CNNM1: variants seen among roughly 807,000 people sequenced by gnomAD.
CNNM1 encodes metal transporter CNNM1.
Under a neutral mutation model 78.8 loss-of-function variants are expected in CNNM1, and 44 were observed. The ratio of observed to expected loss-of-function variants is 0.56; its 90% CI spans 0.44 to 0.72. The LOEUF is 0.72. Ranked by LOEUF, CNNM1 falls within the 30% of genes least tolerant of loss-of-function variation. The probability of loss-of-function intolerance (pLI) is 0.00; values close to 1 mark genes in which losing one functional copy is unlikely to be tolerated. For synonymous variants in CNNM1, 584 were observed against 581.5 expected (o/e 1.00, Z -0.06); for missense variants, 1,101 against 1,292.2 (o/e 0.85, Z 2.27).
chr10:99,370,213 A>G (rs1465794994), intron 6 of CNNM1, among the ~76,000 whole-genome samples: 1 of 152,186 alleles, frequency 6.6e-6, no homozygotes, highest in Non-Finnish European at 1.5e-5. Flanking sequence ...GGGTGGTGTC[A>G]TGTGCCCCTG....
At chr10:99,377,393 T>A in intron 7 of CNNM1, 175 bp downstream of exon 7, 1 of 539,426 alleles carries the variant, frequency 1.9e-6, no homozygotes, top group Non-Finnish European at 3.2e-6. Flanking sequence ...TTCAGTAAGC[T>A]TTAGGACGGT....
rs2031412250 is a variant in CNNM1 at position 99,360,978 on chromosome 10, A to G, written c.1858+3A>G. On this transcript the variant is annotated splice_donor_region_variant and intron_variant, in intron 3 of 10. Transcript: ENST00000356713. ...CACACACCGCTTCATGGCCACAGGTAGGACAAGTCTCCACTCCAGAGAAGC... is the reference window on the plus strand; with the variant it reads ...CACACACCGCTTCATGGCCACAGGTGGGACAAGTCTCCACTCCAGAGAAGC... 1 of 1,600,210 alleles carries G rather than the reference A, an allele frequency of 6.2e-7. No homozygotes were observed.
chr10:99,381,526 G>A (rs2032158777), intron 7 of CNNM1, among the ~76,000 whole-genome samples: 1 of 152,076 alleles, frequency 6.6e-6, no homozygotes, highest in Non-Finnish European at 1.5e-5. Context: ...CAGATCACTT[G>A]AGGTCAGGAG....
chr10:99,356,605 A>AAAGAAAAGAAAAGAAAAG (rs1491432735), intron 1 of CNNM1, among the ~76,000 whole-genome samples: 3 of 56,326 alleles, frequency 5.3e-5, no homozygotes, highest in Non-Finnish European at 1.9e-4. Context: ...AGAAAGAAAG[A>AAAGAAAAGAAAAGAAAAG]AAAGAAAGAA....
intron 6 of CNNM1, among the ~76,000 whole-genome samples, chr10:99,369,762 C>T (rs1423062212): frequency 3.3e-5 from 5 of 152,132 alleles, no homozygotes; most frequent in Non-Finnish European, 7.3e-5. Context: ...TGTGAGAGCT[C>T]ATGCCTTCAT....
At chr10:99,357,147 G>C (rs148227771) in intron 1 of CNNM1, among the ~76,000 whole-genome samples, 2 of 152,186 alleles carry the variant, frequency 1.3e-5, no homozygotes, top group East Asian at 3.8e-4. Flanking sequence ...GGGGAAGGGG[G>C]CTTAGGGGAG....
chr10:99,369,436 C>T (rs1346653426), intron 6 of CNNM1, among the ~76,000 whole-genome samples: 2 of 152,246 alleles, frequency 1.3e-5, no homozygotes, highest in Non-Finnish European at 1.5e-5. Context: ...TCCCTTATCA[C>T]GTTGCTGGGG....
At chr10:99,355,969 C>T (rs930195493) in intron 1 of CNNM1, among the ~76,000 whole-genome samples, 1 of 152,218 alleles carries the variant, frequency 6.6e-6, no homozygotes, top group Non-Finnish European at 1.5e-5. Flanking sequence ...TTGAGCTCCA[C>T]AGTCACCTTA....
chr10:99,365,869 C>T (rs1227537585), intron 6 of CNNM1, among the ~76,000 whole-genome samples: 4 of 152,110 alleles, frequency 2.6e-5, no homozygotes, highest in African/African-American at 4.8e-5. Flanking sequence ...ATATCATAGT[C>T]CCTGGAACAT....
chr10:99,367,908 C>T (rs928098288), intron 6 of CNNM1, among the ~76,000 whole-genome samples: 6 of 152,116 alleles, frequency 3.9e-5, no homozygotes, highest in Non-Finnish European at 4.4e-5. Flanking sequence ...CCCGGGCCCC[C>T]CAGTGATAGC....
chr10:99,372,179 C>T (rs753478503), intron 6 of CNNM1, among the ~76,000 whole-genome samples: 3 of 152,154 alleles, frequency 2.0e-5, no homozygotes, highest in Non-Finnish European at 4.4e-5. Context: ...CATCCAGCCC[C>T]GATTACAGTG....
At chr10:99,372,068 G>A (rs1244922214) in intron 6 of CNNM1, among the ~76,000 whole-genome samples, 3 of 152,064 alleles carry the variant, frequency 2.0e-5, no homozygotes, top group South Asian at 4.2e-4. Flanking sequence ...GGTTGTGAAG[G>A]CTCCCTGGAT....
intron 1 of CNNM1, among the ~76,000 whole-genome samples, chr10:99,356,561 ACAGAAAG>A (rs1238188932): frequency 1.1e-4 from 12 of 113,168 alleles, no homozygotes; most frequent in African/African-American, 4.3e-4. Context: ...AGACAGACAG[ACAGAAAG>A]AAAGAAAGAA....
intron 1 of CNNM1, among the ~76,000 whole-genome samples, chr10:99,332,409 A>T (rs1213446080): frequency 1.3e-5 from 2 of 152,126 alleles, no homozygotes; most frequent in East Asian, 3.9e-4. Context: ...TTTTGTATAA[A>T]TTTTTTGTCA....
chr10:99,383,690 G>A (rs2032223543), intron 7 of CNNM1, among the ~76,000 whole-genome samples: 1 of 152,194 alleles, frequency 6.6e-6, no homozygotes, highest in Non-Finnish European at 1.5e-5. Flanking sequence ...AAGTAGACAT[G>A]GCGCATTCGA....
At chr10:99,364,378 A>T in intron 4 of CNNM1, 39 bp from the exon 5 acceptor site, 1 of 1,480,246 alleles carries the variant, frequency 6.8e-7, no homozygotes, top group Non-Finnish European at 9.3e-7. Context: ...GGAAGTGCTC[A>T]TACACATTCA....
chr10:99,348,055 T>A (rs1167021966), intron 1 of CNNM1, among the ~76,000 whole-genome samples: 1 of 151,480 alleles, frequency 6.6e-6, no homozygotes, highest in East Asian at 1.9e-4. Context: ...TATATATTTT[T>A]TTTTTTTGAG....
At position 99,330,236 on chromosome 10, in the gene CNNM1, C is replaced by G; in HGVS notation, c.849C>G (p.Leu283=). 6.5e-7 allele frequency: 1 copy of G among 1,537,672 alleles called. No homozygotes were observed. Among genetic ancestry groups the G allele is most frequent in the Non-Finnish European group, 8.7e-7 (1 of 1,143,894 alleles). The change falls in exon 1 of 11, where the codon CTC becomes CTG. Residue 283 remains leucine, a synonymous_variant. Transcript: ENST00000356713. ...TTCGCGGCAGGGGGACCCATCTGCT[C>G]TGCACCCTACTCCTGGGCCAAGCCG... ...QAVRGRGTHL[L]CTLLLGQAGA...
chr10:99,360,758 C>T, intron 2 of CNNM1, 77 bp from the exon 3 acceptor site: 3 of 1,512,932 alleles, frequency 2.0e-6, no homozygotes, highest in South Asian at 1.3e-5. Flanking sequence ...TCTATCTGTC[C>T]CCTGTGATTC....
Sources: gnomAD v4.1 joint callset for allele counts (sites outside exome capture counted in the v4.1 genomes callset) on GRCh38, gnomAD v4.1.1 for gene constraint, MANE v1.5 for transcripts, NCBI Gene and HGNC (gene_info 2026-07-23, HGNC 2026-07-21) for gene names.